Variants in MMUT observed in about 807,000 individuals in gnomAD.
The protein encoded by MMUT is methylmalonyl-CoA mutase, also known as methylmalonyl-CoA mutase, mitochondrial.
MMUT carries 79 observed loss-of-function variants against 79.9 expected under a neutral mutation model. The ratio of observed to expected loss-of-function variants is 0.99; its 90% CI spans 0.82 to 1.19. The LOEUF (loss-of-function observed/expected upper bound fraction) is 1.19. Ranked by LOEUF, MMUT falls within the 50% of genes most tolerant of loss-of-function variation. MMUT has a pLI of 0.00. For synonymous variants in MMUT, 273 were observed against 295.7 expected (o/e 0.92, Z 0.79); for missense variants, 860 against 917.2 (o/e 0.94, Z 0.81).
chr6:49,457,878 T>C lies in MMUT; in HGVS notation c.566A>G (p.Asn189Ser), dbSNP rs200908035. ...LEKMSVSMTM[N>S]GAVIPVLANF... Reference sequence around the variant, plus strand: ...TGCAAGAACTGGAATAACTGCTCCATTCATAGTCATGGAAACTGACATTTT... The same window carrying C: ...TGCAAGAACTGGAATAACTGCTCCACTCATAGTCATGGAAACTGACATTTT... Residue 189 changes from asparagine (N) to serine (S), a missense_variant, in exon 3 of 13, where the codon AAT becomes AGT. By Grantham distance (46) the Asn-to-Ser change is conservative. Transcript: ENST00000274813. 1.5e-4 allele frequency: 241 copies of C among 1,613,886 alleles called. 1 individual carries two copies. In the East Asian group the frequency reaches 3.6e-3, roughly 24 times the overall value.
At chr6:49,460,851 C>T (rs1418103273) in intron 1 of MMUT, among the ~76,000 whole-genome samples, 1 of 152,164 alleles carries the variant, frequency 6.6e-6, no homozygotes, top group Non-Finnish European at 1.5e-5. Context: ...AAACAAGAGA[C>T]ATAAACCACT....
chr6:49,458,622 C>T lies in MMUT; in HGVS notation c.385+460G>A, dbSNP rs114118154. Among the ~76,000 whole-genome samples, 918 of 152,216 alleles carry T rather than the reference C, an allele frequency of 6.0e-3. 3 individuals are homozygous for T. The highest frequency in any genetic ancestry group is 0.021 in the African/African-American group (883 of 41,550). On this transcript the variant is annotated intron_variant, in intron 2 of 12. Transcript: ENST00000274813. ...CTACAAGTTTAGTATTCAAACAGTA[C>T]AATTTTATTACAGCTCAGAAAGAAG...
In MMUT at chr6:49,431,526, A is replaced by AT. The variant is rs10713340; in HGVS notation, c.*201dup. The AT allele has an allele frequency of 0.01, 4,595 of 458,436 alleles. 91 individuals carry two copies. Among genetic ancestry groups the AT allele is most frequent in the African/African-American group, 0.066 (3,297 of 49,976 alleles). The allele number at this position is 458,436 out of a possible 1,614,324, so 28.4% of individuals were successfully genotyped here. A position where few individuals can be genotyped will look rare whatever the true frequency, so the allele number is the denominator to read the frequency against. ...TAGAGAGTATAGAGAGTTTTTAGGG[A>AT]TTTTTTTTTTATTTTTGAAGTGAAA... is the stretch of plus-strand genomic sequence containing the variant. On this transcript the variant is annotated 3_prime_UTR_variant, in exon 13 of 13. Coordinates refer to ENST00000274813, the MANE Select transcript of MMUT (RefSeq NM_000255.4).
Position 49,439,349 on chromosome 6 carries a change from C to T in MMUT, c.1956+857G>A, listed in dbSNP as rs549736967. Among the ~76,000 whole-genome samples the T allele has an allele frequency of 3.3e-5, 5 of 152,232 alleles. No homozygotes were observed. In the East Asian group the frequency reaches 9.7e-4, roughly 29 times the overall value. ...TGCAGAAGATGGCAGGCCCTTCCTC[C>T]AAAATCTTAGAGGCCTCTGCTGTGA... On this transcript the variant is annotated intron_variant, in intron 11 of 12. Transcript: ENST00000274813.
rs6915187 is a variant in MMUT, at chr6:49,455,834, G to C, written c.911+246C>G. 0.58 allele frequency among the ~76,000 whole-genome samples: 88,809 copies of C among 151,928 alleles called. 26,314 individuals are homozygous for C. Among genetic ancestry groups the C allele is most frequent in the South Asian group, 0.65 (3,131 of 4,816 alleles). The stretch of plus-strand genomic sequence containing the variant: ...TTTTAATGTAATTTGTTAAAATGTG[G>C]AACTTAATTGTGTTCTCTAAATAGC... On this transcript the variant is annotated intron_variant, in intron 4 of 12. Coordinates refer to ENST00000274813, the MANE Select transcript of MMUT (RefSeq NM_000255.4).
chr6:49,437,542 T>TA (rs1376921100), intron 11 of MMUT, among the ~76,000 whole-genome samples: 5 of 152,118 alleles, frequency 3.3e-5, no homozygotes, highest in Non-Finnish European at 5.9e-5. Context: ...ACAAGGAACT[T>TA]AAACAAATGA....
At chr6:49,438,343 G>A (rs6458688) in intron 11 of MMUT, among the ~76,000 whole-genome samples, 89,145 of 151,656 alleles carry the variant, frequency 0.59, 26,529 homozygotes, top group South Asian at 0.65. Flanking sequence ...GTTAAAAAAA[G>A]ACAACAAAAA....
At chr6:49,432,716 G>A (rs1767019589) in intron 12 of MMUT, among the ~76,000 whole-genome samples, 1 of 152,110 alleles carries the variant, frequency 6.6e-6, no homozygotes. Context: ...GTCAAAGTAT[G>A]AGTGAAAAGA....
chr6:49,456,362 TA>T, intron 3 of MMUT, 125 bp from the exon 4 acceptor site: 1 of 728,560 alleles, frequency 1.4e-6, no homozygotes, highest in Non-Finnish European at 2.3e-6. Context: ...TGGTAGTTCA[TA>T]ATGTTAACAA....
chr6:49,445,593 G>A (rs1443461809), intron 8 of MMUT, among the ~76,000 whole-genome samples: 1 of 151,954 alleles, frequency 6.6e-6, no homozygotes, highest in Non-Finnish European at 1.5e-5. Flanking sequence ...TATAACCTAT[G>A]TACATTTTCT....
At chr6:49,452,320 T>C (rs1033629562) in intron 5 of MMUT, among the ~76,000 whole-genome samples, 3 of 152,018 alleles carry the variant, frequency 2.0e-5, no homozygotes, top group African/African-American at 7.2e-5. Flanking sequence ...TATTTATTTA[T>C]TTATTTTTAT....
At chr6:49,445,948 C>T (rs1248260869) in intron 8 of MMUT, among the ~76,000 whole-genome samples, 2 of 151,806 alleles carry the variant, frequency 1.3e-5, no homozygotes, top group South Asian at 2.1e-4. Flanking sequence ...GAGTAAATAA[C>T]GAAGTGATTT....
chr6:49,459,395 G>A lies in MMUT; in HGVS notation c.72C>T (p.Gly24=). Residue 24 remains glycine (G), a synonymous_variant, in exon 2 of 13, where the codon GGC becomes GGT. Transcript: ENST00000274813. ...HYLRQVKESS[G]SRLIQQRLLH... ...GAAGTCGTTGCTGTATGAGCCTGGAGCCTGATGATTCTTTTACCTGCCTCA... is the reference window on the plus strand; with the variant it reads ...GAAGTCGTTGCTGTATGAGCCTGGAACCTGATGATTCTTTTACCTGCCTCA... The A allele has an allele frequency of 6.2e-7, 1 of 1,613,578 alleles. No homozygotes were observed. The highest frequency in any genetic ancestry group is 8.5e-7 in the Non-Finnish European group (1 of 1,179,900).
chr6:49,455,264 G>A (rs1342396964), intron 4 of MMUT, among the ~76,000 whole-genome samples: 1 of 152,086 alleles, frequency 6.6e-6, no homozygotes, highest in Non-Finnish European at 1.5e-5. Flanking sequence ...ATATCGTGTA[G>A]CTTCTGAAAA....
At chr6:49,448,179 T>C (rs1365055251) in intron 7 of MMUT, among the ~76,000 whole-genome samples, 2 of 152,034 alleles carry the variant, frequency 1.3e-5, no homozygotes, top group Non-Finnish European at 2.9e-5. Flanking sequence ...AAAAGAACCC[T>C]TCTATAATCT....
chr6:49,457,672 T>C lies in MMUT; in HGVS notation c.753+19A>G, dbSNP rs774374718. On this transcript the variant is annotated intron_variant, in intron 3 of 12. Coordinates refer to ENST00000274813, the MANE Select transcript of MMUT (RefSeq NM_000255.4). ...ATTCAAGGAACTATAGAAAAACCTA[T>C]AATAACCACAAAGTATACCTTTGCT... 1 of 1,598,956 alleles carries C rather than the reference T, an allele frequency of 6.3e-7. No individual in the cohort carries two copies. Among genetic ancestry groups the C allele is most frequent in the South Asian group, 1.1e-5 (1 of 88,422 alleles).
At chr6:49,450,752 T>C (rs950113058) in intron 6 of MMUT, among the ~76,000 whole-genome samples, 2 of 152,178 alleles carry the variant, frequency 1.3e-5, no homozygotes, top group African/African-American at 4.8e-5. Flanking sequence ...CAGGTTTCTA[T>C]GAGATGTACT....
At chr6:49,448,564 T>C (rs1206999993) in intron 7 of MMUT, among the ~76,000 whole-genome samples, 2 of 152,102 alleles carry the variant, frequency 1.3e-5, no homozygotes, top group Non-Finnish European at 2.9e-5. Context: ...AAAATGTTAA[T>C]GACATCTACC....
rs1163297631 is a variant in MMUT at position 49,456,369 on chromosome 6, A to G, written c.754-132T>C. 4.2e-6 allele frequency: 3 copies of G among 706,698 alleles called. No homozygotes were observed. The Admixed American group carries it at 7.6e-5, about 18-fold the overall frequency. 43.8% of individuals were successfully genotyped at this position (706,698 alleles called of 1,614,324 possible). ...AATAAACTTGGTAGTTCATAATGTT[A>G]ACAAAATATTTAATGCTTATTTGTT... On this transcript the variant is annotated intron_variant, in intron 3 of 12. Coordinates refer to ENST00000274813, the MANE Select transcript of MMUT (RefSeq NM_000255.4).
Sources: allele counts gnomAD v4.1 joint callset (sites outside exome capture counted in the v4.1 genomes callset), GRCh38; gene constraint gnomAD v4.1.1; transcripts MANE v1.5; gene names NCBI Gene and HGNC (gene_info 2026-07-23, HGNC 2026-07-21).